METTL25: variants seen among roughly 807,000 people sequenced by gnomAD.
The protein encoded by METTL25 is probable methyltransferase-like protein 25.
A neutral mutation model predicts 71.6 loss-of-function variants in METTL25; 64 were observed. That is an observed-to-expected ratio of 0.89 (90% CI 0.73 to 1.10). METTL25 has a LOEUF of 1.10. METTL25 is among the 50% of genes least tolerant of loss of function. METTL25 has a pLI of 0.00. For synonymous variants in METTL25, 287 were observed against 250.3 expected, an observed-to-expected ratio of 1.15 and a Z score of -1.38; for missense variants, 807 against 707.0, an observed-to-expected ratio of 1.14 and a Z score of -1.60.
At chr12:82,417,953 A>G (rs561724833) in intron 5 of METTL25, among the ~76,000 whole-genome samples, 2 of 152,258 alleles carry the variant, frequency 1.3e-5, no homozygotes, top group South Asian at 4.1e-4. Flanking sequence ...ACCCAAAGGC[A>G]GGAACCTGTT....
rs1893050748 is a variant in METTL25 at position 82,479,082 on chromosome 12, C to T, written c.*58C>T. On this transcript the variant is annotated 3_prime_UTR_variant, in exon 12 of 12. Coordinates refer to ENST00000248306, the MANE Select transcript of METTL25 (RefSeq NM_032230.3). ...TCTATGAGACCTGTTGCTGAGATTG[C>T]TTTTCTAAACATATATGTCCTGTTA... The T allele has an allele frequency of 3.5e-6, 5 of 1,429,622 alleles. No homozygotes were observed. The African/African-American group carries it at 4.2e-5, about 12-fold the overall frequency. 88.6% of individuals were successfully genotyped at this position (1,429,622 alleles called of 1,614,324 possible). A position where few individuals can be genotyped will look rare whatever the true frequency, so the allele number is the denominator to read the frequency against.
chr12:82,472,647 GTATTTTT>G (rs544699102), intron 9 of METTL25, among the ~76,000 whole-genome samples: 98 of 152,178 alleles, frequency 6.4e-4, no homozygotes, highest in South Asian at 1.7e-3. Context: ...GCTCTCAATT[GTATTTTT>G]TATTTCATTC....
chr12:82,479,225 C>A lies in METTL25; in HGVS notation c.*201C>A. 1 of 471,024 alleles carries A rather than the reference C, an allele frequency of 2.1e-6. No individual in the cohort carries two copies. The highest frequency in any genetic ancestry group is 3.8e-6 in the Non-Finnish European group (1 of 263,268). 29.2% of individuals were successfully genotyped at this position (471,024 alleles called of 1,614,324 possible). A position where few individuals can be genotyped will look rare whatever the true frequency, so the allele number is the denominator to read the frequency against. ...ATACATTAATAAAAGAAGAACCTGT[C>A]ATAATAATATAAAACAGTTGACCTA... On this transcript the variant is annotated 3_prime_UTR_variant, in exon 12 of 12. Transcript: ENST00000248306.
chr12:82,460,925 C>T lies in METTL25; in HGVS notation c.1572+4105C>T, dbSNP rs1891826955. ...TTGGGAGGCCAAGGCGGGCGGATCA[C>T]AAGGTTAGGAGATGGAGACCATCCT... On this transcript the variant is annotated intron_variant, in intron 9 of 11. Coordinates refer to ENST00000248306, the MANE Select transcript of METTL25 (RefSeq NM_032230.3). 3.9e-5 allele frequency among the ~76,000 whole-genome samples: 6 copies of T among 152,270 alleles called. No individual in the cohort carries two copies. In the Middle Eastern group the frequency reaches 0.014, roughly 345 times the overall value.
At chr12:82,386,234 T>C (rs1419262214) in intron 1 of METTL25, among the ~76,000 whole-genome samples, 1 of 152,176 alleles carries the variant, frequency 6.6e-6, no homozygotes, top group Non-Finnish European at 1.5e-5. Context: ...ATCCAAATGA[T>C]GCAGGAACTG....
chr12:82,453,747 A>G (rs192958685), intron 8 of METTL25, among the ~76,000 whole-genome samples: 124 of 152,234 alleles, frequency 8.1e-4, no homozygotes, highest in Middle Eastern at 6.8e-3. Context: ...CAATAGATAG[A>G]CCTGTTTATT....
In METTL25 at chr12:82,420,647, A is replaced by AATAT. The variant is rs200913610; in HGVS notation, c.1280-10240_1280-10237dup. Among the ~76,000 whole-genome samples the AATAT allele has an allele frequency of 1.7e-3, 263 of 152,280 alleles. 3 individuals carry two copies. Among genetic ancestry groups the AATAT allele is most frequent in the Admixed American group, 0.015 (227 of 15,286 alleles). On this transcript the variant is annotated intron_variant, in intron 5 of 11. Transcript: ENST00000248306. Reference sequence around the variant, plus strand: ...ACTGGCCCATATTAAGTACTCAATAAATATATATAAGATTAAAAATCCAAA... The same window carrying AATAT: ...ACTGGCCCATATTAAGTACTCAATAAATATATATATATAAGATTAAAAATCCAAA...
chr12:82,428,432 TTTTA>T (rs768688119), intron 5 of METTL25, among the ~76,000 whole-genome samples: 2 of 151,906 alleles, frequency 1.3e-5, no homozygotes, highest in Non-Finnish European at 2.9e-5. Flanking sequence ...GTATTTCTCT[TTTTA>T]TTTGTCAGGA....
In METTL25 at chr12:82,403,270, CT is replaced by C. The variant is rs1259856597; in HGVS notation, c.1279+144del. 1.8e-4 allele frequency: 133 copies of C among 743,664 alleles called. 1 individual carries two copies. In the African/African-American group the frequency reaches 2.3e-3, roughly 13 times the overall value. 46.1% of individuals were successfully genotyped at this position (743,664 alleles called of 1,614,324 possible). On this transcript the variant is annotated intron_variant, in intron 5 of 11. Coordinates refer to ENST00000248306, the MANE Select transcript of METTL25 (RefSeq NM_032230.3). Reference sequence around the variant, plus strand: ...TAAGATAACATCTGACTTACTTGCACTTTTAGTGTTACGGTGTTATTGAAAT... The same window carrying C: ...TAAGATAACATCTGACTTACTTGCACTTTAGTGTTACGGTGTTATTGAAAT...
At chr12:82,367,696 C>G (rs1039146010) in intron 1 of METTL25, among the ~76,000 whole-genome samples, 32 of 152,164 alleles carry the variant, frequency 2.1e-4, no homozygotes, top group Admixed American at 1.0e-3. Context: ...TTGTCCAAAA[C>G]CGTAGTTCTG....
At chr12:82,448,190 TC>T (rs1415695946) in intron 8 of METTL25, among the ~76,000 whole-genome samples, 1 of 152,140 alleles carries the variant, frequency 6.6e-6, no homozygotes, top group Non-Finnish European at 1.5e-5. Flanking sequence ...TCTTTATTTT[TC>T]TTGCTAGCTA....
rs764430346 is a variant in METTL25, at chr12:82,358,654, C to G, written c.89C>G (p.Ala30Gly). The G allele has an allele frequency of 2.5e-6, 4 of 1,613,996 alleles. No individual in the cohort carries two copies. The highest frequency in any genetic ancestry group is 1.1e-5 in the South Asian group (1 of 91,090). The change falls in exon 1 of 12, where the codon GCC becomes GGC. Residue 30 changes from alanine (A) to glycine (G), a missense_variant. By Grantham distance (60) the Ala-to-Gly change is moderately conservative. Transcript: ENST00000248306. ...LQGLLQFLRD[A>G]LSISNAHTVD... ...GGACTGCTGCAGTTCCTGAGGGATG[C>G]CCTGTCCATTTCCAATGCACATACC... is the stretch of plus-strand genomic sequence containing the variant.
intron 1 of METTL25, among the ~76,000 whole-genome samples, chr12:82,371,365 C>G (rs1041210223): frequency 6.6e-6 from 1 of 152,288 alleles, no homozygotes; most frequent in East Asian, 1.9e-4. Flanking sequence ...GGGCAGTGTG[C>G]CTTCCAATGA....
chr12:82,435,993 G>A (rs1462594975), intron 7 of METTL25, among the ~76,000 whole-genome samples: 6 of 151,324 alleles, frequency 4.0e-5, no homozygotes, highest in Non-Finnish European at 8.9e-5. Flanking sequence ...ACTAAGACTT[G>A]AATCTCTGAG....
At chr12:82,387,715 G>GCACACA (rs34068056) in intron 2 of METTL25, among the ~76,000 whole-genome samples, 4,497 of 150,606 alleles carry the variant, frequency 0.03, 123 homozygotes, top group African/African-American at 0.067. Context: ...ACACACACGC[G>GCACACA]CACACACACA....
chr12:82,466,329 T>G (rs938166085), intron 9 of METTL25, among the ~76,000 whole-genome samples: 39 of 71,350 alleles, frequency 5.5e-4, no homozygotes, highest in African/African-American at 1.6e-3. Flanking sequence ...AACTTCATTC[T>G]TAGTTTTTTT....
At chr12:82,418,506 A>G (rs1266027824) in intron 5 of METTL25, among the ~76,000 whole-genome samples, 2 of 152,142 alleles carry the variant, frequency 1.3e-5, no homozygotes, top group African/African-American at 4.8e-5. Flanking sequence ...GACACTAATA[A>G]TCTCCACCTG....
chr12:82,463,716 T>C (rs374496150), intron 9 of METTL25, among the ~76,000 whole-genome samples: 10 of 152,186 alleles, frequency 6.6e-5, no homozygotes, highest in East Asian at 3.9e-4. Context: ...CTATAGGAGT[T>C]CCTTTTTCTC....
intron 8 of METTL25, among the ~76,000 whole-genome samples, chr12:82,444,394 T>C (rs1384092873): frequency 6.6e-6 from 1 of 152,160 alleles, no homozygotes; most frequent in Admixed American, 6.6e-5. Flanking sequence ...TTACAAGACA[T>C]GCTAAAGGGA....
Sources: allele counts gnomAD v4.1 joint callset (sites outside exome capture counted in the v4.1 genomes callset), GRCh38; gene constraint gnomAD v4.1.1; transcripts MANE v1.5; gene names NCBI Gene and HGNC (gene_info 2026-07-23, HGNC 2026-07-21).